Variants in SHC2 observed in about 807,000 individuals in gnomAD.
The protein encoded by SHC2 is SHC-transforming protein 2.
In SHC2, 62 loss-of-function variants were observed where a neutral mutation model predicts 60.6. That is an observed-to-expected ratio of 1.02 (90% CI 0.83 to 1.26). The LOEUF is 1.26. Among genes scored for constraint, SHC2 ranks in the 50% most tolerant of loss-of-function variants. The pLI is 0.00. For missense variants in SHC2, 873 were observed against 822.2 expected, an observed-to-expected ratio of 1.06 and a Z score of -0.76; for synonymous variants, 375 against 372.4, an observed-to-expected ratio of 1.01 and a Z score of -0.08.
chr19:438,813 CGGA>C lies in SHC2; in HGVS notation c.622_624del (p.Ser208del), dbSNP rs1974781227. On this transcript the variant is annotated inframe_deletion, in exon 4 of 13. Coordinates refer to ENST00000264554, the MANE Select transcript of SHC2 (RefSeq NM_012435.3). This position sits in a 1 kb window ranked among gnomAD's most constrained non-coding sequence, Gnocchi z 5.0. ...AAGCGAAGGTTGCTCTTGCCCAGGACGGACGCCAGGGCCTTGTTGGGGGCCTGA... is the reference window on the plus strand; with the variant it reads ...AAGCGAAGGTTGCTCTTGCCCAGGACCGCCAGGGCCTTGTTGGGGGCCTGA... 1.3e-6 allele frequency: 2 copies of C among 1,572,086 alleles called. No homozygotes were observed.
chr19:438,244 G>T lies in SHC2; in HGVS notation c.720+474C>A, dbSNP rs1047370793. On this transcript the variant is annotated intron_variant, in intron 4 of 12. Coordinates refer to ENST00000264554, the MANE Select transcript of SHC2 (RefSeq NM_012435.3). The surrounding 1 kb of genome is among the most constrained non-coding windows in gnomAD (Gnocchi z 5.0). ...TGCCCACCCCTCAGCCTCCCAAAGT[G>T]CTGGGGTTACAGGCGTGAGCCACTG... Among the ~76,000 whole-genome samples, 26 of 152,332 alleles carry T rather than the reference G, an allele frequency of 1.7e-4. No homozygotes were observed. Among genetic ancestry groups the T allele is most frequent in the African/African-American group, 6.3e-4 (26 of 41,570 alleles).
chr19:420,484 G>A (rs980669330), intron 11 of SHC2, among the ~76,000 whole-genome samples: 17 of 152,236 alleles, frequency 1.1e-4, no homozygotes, highest in African/African-American at 3.4e-4. Flanking sequence ...TGCAGCCCTC[G>A]GACGCTCAAA....
Position 438,903 on chromosome 19 carries a change from G to A in SHC2, c.601-66C>T. 1 of 1,553,074 alleles carries A rather than the reference G, an allele frequency of 6.4e-7. No individual in the cohort carries two copies. Among genetic ancestry groups the A allele is most frequent in the Non-Finnish European group, 8.7e-7 (1 of 1,147,132 alleles). On this transcript the variant is annotated intron_variant, in intron 3 of 12. Coordinates refer to ENST00000264554, the MANE Select transcript of SHC2 (RefSeq NM_012435.3). This position sits in a 1 kb window ranked among gnomAD's most constrained non-coding sequence, Gnocchi z 5.0. ...GGGGCTGTCGAGGGGCTCCCAGGAT[G>A]GCCGCAGCGTCCCCACAGCCCCCGA...
chr19:426,356 G>C (rs200058511), intron 9 of SHC2, among the ~76,000 whole-genome samples: 10 of 136,388 alleles, frequency 7.3e-5, no homozygotes, highest in South Asian at 2.6e-4. Context: ...GAGGACGACA[G>C]TGCGAGAGGC....
chr19:455,180 T>A (rs570645288), intron 1 of SHC2, among the ~76,000 whole-genome samples: 1 of 152,288 alleles, frequency 6.6e-6, no homozygotes, highest in African/African-American at 2.4e-5. Context: ...GCTGCTGAAT[T>A]AACCAACCCC....
intron 4 of SHC2, among the ~76,000 whole-genome samples, chr19:437,461 C>T (rs1172393347): frequency 6.6e-6 from 1 of 152,070 alleles, no homozygotes; most frequent in Non-Finnish European, 1.5e-5. Flanking sequence ...CAGTAAGCCC[C>T]CGATACCAGC....
At chr19:448,992 A>G (rs1409100464) in intron 1 of SHC2, among the ~76,000 whole-genome samples, 1 of 149,708 alleles carries the variant, frequency 6.7e-6, no homozygotes, top group Non-Finnish European at 1.5e-5. Flanking sequence ...GTCTCTACAA[A>G]AAAAAAAAAA....
chr19:435,014 T>C, intron 7 of SHC2, 149 bp from the exon 8 acceptor site: 1 of 743,890 alleles, frequency 1.3e-6, no homozygotes, highest in Admixed American at 3.1e-5. Context: ...GAAACGCTTC[T>C]AGAGCCAGTG....
At position 425,347 on chromosome 19, in the gene SHC2, A is replaced by G; in HGVS notation, c.1175-116T>C. ...GGCCACCACCTGTGCTGCTGGCTGC[A>G]GGGCGGATGCTGCTCTGGTCTCCCT... On this transcript the variant is annotated intron_variant, in intron 9 of 12. Transcript: ENST00000264554. The surrounding 1 kb of genome is among the most constrained non-coding windows in gnomAD (Gnocchi z 4.1). The G allele has an allele frequency of 1.1e-6, 1 of 874,714 alleles. No homozygotes were observed. Among genetic ancestry groups the G allele is most frequent in the Non-Finnish European group, 1.5e-6 (1 of 658,818 alleles). The allele number at this position is 874,714 out of a possible 1,614,324, so 54.2% of individuals were successfully genotyped here. A position where few individuals can be genotyped will look rare whatever the true frequency, so the allele number is the denominator to read the frequency against.
Position 430,756 on chromosome 19 carries a change from A to G in SHC2, c.1111-9T>C, listed in dbSNP as rs777556008. 6.2e-7 allele frequency: 1 copy of G among 1,612,502 alleles called. No homozygotes were observed. Among genetic ancestry groups the G allele is most frequent in the Non-Finnish European group, 8.5e-7 (1 of 1,179,426 alleles). Reference sequence around the variant, plus strand: ...AGAGAAGGAGATGGGCCCTGGAAACAGAGCAGTGAGAGGTTCCCCGGTGTG... The same window carrying G: ...AGAGAAGGAGATGGGCCCTGGAAACGGAGCAGTGAGAGGTTCCCCGGTGTG... On this transcript the variant is annotated splice_polypyrimidine_tract_variant and intron_variant, in intron 8 of 12. Transcript: ENST00000264554.
chr19:459,941 G>A (rs991495944), intron 1 of SHC2, among the ~76,000 whole-genome samples: 10 of 152,194 alleles, frequency 6.6e-5, no homozygotes, highest in Admixed American at 3.9e-4. Flanking sequence ...AGAGGGGAAG[G>A]TTACCCTCCT....
At position 430,718 on chromosome 19, in the gene SHC2, G is replaced by A. The variant is rs1295582634; in HGVS notation, c.1140C>T (p.Cys380=). Residue 380 remains cysteine, a synonymous_variant, in exon 9 of 13, where the codon TGC becomes TGT. Coordinates refer to ENST00000264554, the MANE Select transcript of SHC2 (RefSeq NM_012435.3). ...QGPSPSLRDA[C]SLPWDVGSTG... Reference sequence around the variant, plus strand: ...TGGACCCCACGTCCCATGGCAGGCTGCAGGCATCTCTTAGAGAAGGAGATG... The same window carrying A: ...TGGACCCCACGTCCCATGGCAGGCTACAGGCATCTCTTAGAGAAGGAGATG... 1 of 1,613,110 alleles carries A rather than the reference G, an allele frequency of 6.2e-7. No individual in the cohort carries two copies. The highest frequency in any genetic ancestry group is 8.5e-7 in the Non-Finnish European group (1 of 1,179,820).
In SHC2 at chr19:436,205, A is replaced by G; in HGVS notation, c.913T>C (p.Tyr305His). The G allele has an allele frequency of 6.2e-7, 1 of 1,608,912 alleles. No homozygotes were observed. The highest frequency in any genetic ancestry group is 1.1e-5 in the South Asian group (1 of 90,118). The part of the protein sequence containing the change: ...GQAFELRFKQ[Y>H]LHSPPKVALP... ...GCCACCTTGGGCGGGCTGTGCAGGT[A>G]CTGCTTGAAGCGCAGCTCGAAAGCT... The change falls in exon 7 of 13, where the codon TAC becomes CAC. Residue 305 changes from tyrosine to histidine, a missense_variant. By Grantham distance (83) the Tyr-to-His change is moderately conservative (BLOSUM62 2). Transcript: ENST00000264554.
chr19:435,446 C>A (rs558969472), intron 7 of SHC2, among the ~76,000 whole-genome samples: 1 of 152,250 alleles, frequency 6.6e-6, no homozygotes, highest in Non-Finnish European at 1.5e-5. Context: ...GCATCAAGCA[C>A]GCTGTCCCCG....
Position 430,698 on chromosome 19 carries a change from C to T in SHC2, c.1160G>A (p.Gly387Glu). Residue 387 changes from glycine (G) to glutamate (E), a missense_variant, in exon 9 of 13, where the codon GGG becomes GAG. Physicochemically the swap from Gly to Glu is moderately conservative, Grantham distance 98. Coordinates refer to ENST00000264554, the MANE Select transcript of SHC2 (RefSeq NM_012435.3). Reference sequence around the variant, plus strand: ...GCCCATCCTACCTGTACCGGTGGACCCCACGTCCCATGGCAGGCTGCAGGC... The same window carrying T: ...GCCCATCCTACCTGTACCGGTGGACTCCACGTCCCATGGCAGGCTGCAGGC... ...RDACSLPWDV[G>E]STGTAPPGDG... 1.2e-6 allele frequency: 2 copies of T among 1,612,976 alleles called. No individual in the cohort carries two copies. The highest frequency in any genetic ancestry group is 1.7e-6 in the Non-Finnish European group (2 of 1,179,792).
chr19:436,462 C>T, intron 5 of SHC2, 31 bp from the exon 6 acceptor site: 1 of 1,602,058 alleles, frequency 6.2e-7, no homozygotes, highest in Non-Finnish European at 8.5e-7. Context: ...GCTGGACCTG[C>T]CTGGGCCCCC....
Position 419,022 on chromosome 19 carries a change from C to T in SHC2, c.1655G>A (p.Ser552Asn). ...CTGCAGGTGGTGGTCGATCAGGTGG[C>T]TGATGCTCTCAAACAGCACGTCCTT... ...RTKDVLFESI[S>N]HLIDHHLQNG... is the part of the protein sequence containing the mutation. The change falls in exon 12 of 13, where the codon AGC becomes AAC. Residue 552 changes from serine to asparagine, a missense_variant. Coordinates refer to ENST00000264554, the MANE Select transcript of SHC2 (RefSeq NM_012435.3). 2 of 1,586,796 alleles carry T rather than the reference C, an allele frequency of 1.3e-6. No individual in the cohort carries two copies. The highest frequency in any genetic ancestry group is 2.3e-5 in the South Asian group (2 of 86,770).
chr19:437,278 G>A (rs539022217), intron 4 of SHC2, among the ~76,000 whole-genome samples: 5 of 147,076 alleles, frequency 3.4e-5, no homozygotes, highest in East Asian at 1.9e-4. Flanking sequence ...CTGCGTGCTC[G>A]TCTGTGTGCT....
chr19:434,222 G>A (rs1029807555), intron 8 of SHC2, among the ~76,000 whole-genome samples: 5 of 133,424 alleles, frequency 3.7e-5, no homozygotes, highest in South Asian at 2.5e-4. Context: ...GCCTGTGATT[G>A]AGTGAGTGAG....
Sources: allele counts gnomAD v4.1 joint callset (sites outside exome capture counted in the v4.1 genomes callset), GRCh38; gene constraint gnomAD v4.1.1; non-coding constraint Gnocchi (gnomAD v3.1); transcripts MANE v1.5; gene names NCBI Gene and HGNC (gene_info 2026-07-23, HGNC 2026-07-21).